RPS6KA2: variants seen among roughly 807,000 people sequenced by gnomAD.
The protein encoded by RPS6KA2 is ribosomal protein S6 kinase A2.
In RPS6KA2, 42 loss-of-function variants were observed where a neutral mutation model predicts 91.8. That is an observed-to-expected ratio of 0.46 (90% confidence interval 0.36 to 0.59). The LOEUF is 0.59. Ranked by LOEUF, RPS6KA2 falls within the 20% of genes least tolerant of loss-of-function variation. RPS6KA2 has a pLI of 0.00. For missense variants in RPS6KA2, 798 were observed against 978.5 expected, an observed-to-expected ratio of 0.82 and a Z score of 2.46; for synonymous variants, 414 against 393.6, an observed-to-expected ratio of 1.05 and a Z score of -0.61.
intron 1 of RPS6KA2, among the ~76,000 whole-genome samples, chr6:166,542,903 G>A (rs528804267): frequency 2.0e-5 from 3 of 152,202 alleles, no homozygotes; most frequent in Non-Finnish European, 4.4e-5. Context: ...AAACAAAATA[G>A]GCAAGGGTTC....
intron 2 of RPS6KA2, among the ~76,000 whole-genome samples, chr6:166,782,423 G>A (rs7357046): frequency 0.2 from 31,123 of 152,010 alleles, 3,847 homozygotes; most frequent in African/African-American, 0.34. Flanking sequence ...CTGGGGTCCC[G>A]GCAGGTTTTG....
At chr6:166,538,508 C>G (rs1045555920) in intron 2 of RPS6KA2, among the ~76,000 whole-genome samples, 160 bp downstream of exon 2, 4 of 152,182 alleles carry the variant, frequency 2.6e-5, no homozygotes, top group African/African-American at 9.7e-5. Context: ...CACTGGAATT[C>G]TGGCTGTGCA....
At chr6:166,579,785 C>A (rs1045391832) in intron 1 of RPS6KA2, among the ~76,000 whole-genome samples, 6 of 152,132 alleles carry the variant, frequency 3.9e-5, no homozygotes, top group African/African-American at 1.4e-4. Context: ...TTTCTAAGAT[C>A]TAAAGATCAC....
intron 1 of RPS6KA2, among the ~76,000 whole-genome samples, chr6:166,605,106 C>T (rs1785898916): frequency 6.6e-6 from 1 of 152,210 alleles, no homozygotes; most frequent in South Asian, 2.1e-4. Flanking sequence ...CTAGAACTGC[C>T]TCCAACCAGA....
At chr6:166,752,069 G>A (rs149066287) in intron 2 of RPS6KA2, among the ~76,000 whole-genome samples, 1 of 152,368 alleles carries the variant, frequency 6.6e-6, no homozygotes, top group East Asian at 1.9e-4. Context: ...AGGTCCATTT[G>A]TACCTGGGTA....
intron 14 of RPS6KA2, among the ~76,000 whole-genome samples, chr6:166,441,231 C>T (rs894841434): frequency 4.6e-5 from 7 of 152,138 alleles, no homozygotes; most frequent in East Asian, 1.9e-4. Flanking sequence ...TGCCTGTGAA[C>T]GCTCCTTTCT....
At chr6:166,722,347 A>G (rs140015037) in intron 2 of RPS6KA2, among the ~76,000 whole-genome samples, 82 of 152,370 alleles carry the variant, frequency 5.4e-4, no homozygotes, top group African/African-American at 1.9e-3. Context: ...GGCGGGTCAG[A>G]CACTCAACAA....
intron 11 of RPS6KA2, among the ~76,000 whole-genome samples, chr6:166,462,808 C>A (rs1482949117): frequency 1.3e-5 from 2 of 152,252 alleles, no homozygotes; most frequent in East Asian, 1.9e-4. Flanking sequence ...CAGACCCCAA[C>A]AAGACCAGAG....
At chr6:166,573,693 G>C (rs916964809) in intron 1 of RPS6KA2, among the ~76,000 whole-genome samples, 2 of 152,230 alleles carry the variant, frequency 1.3e-5, no homozygotes, top group Non-Finnish European at 2.9e-5. Context: ...GGTCGTGACC[G>C]TAAACACCGA....
chr6:166,444,814 C>T (rs990430050), intron 14 of RPS6KA2, among the ~76,000 whole-genome samples: 2 of 152,176 alleles, frequency 1.3e-5, no homozygotes, highest in South Asian at 2.1e-4. Context: ...TTGGAGACTG[C>T]GATAGCTAGA....
chr6:166,473,317 A>T (rs1432281495), intron 10 of RPS6KA2, among the ~76,000 whole-genome samples: 2 of 151,928 alleles, frequency 1.3e-5, no homozygotes, highest in African/African-American at 2.4e-5. Flanking sequence ...CAGTCTCCTG[A>T]GTAGCTGGGA....
chr6:166,668,005 G>A (rs1788366883), intron 2 of RPS6KA2, among the ~76,000 whole-genome samples: 3 of 152,214 alleles, frequency 2.0e-5, no homozygotes, highest in Non-Finnish European at 2.9e-5. Context: ...CTCATGAGAT[G>A]TTTGGAGATT....
intron 2 of RPS6KA2, among the ~76,000 whole-genome samples, chr6:166,660,438 G>C (rs1299742317): frequency 1.3e-5 from 2 of 151,880 alleles, no homozygotes; most frequent in East Asian, 3.9e-4. Flanking sequence ...GAGAGAAGAA[G>C]GGAGGGAGGA....
intron 2 of RPS6KA2, among the ~76,000 whole-genome samples, chr6:166,723,407 T>TG (rs888640862): frequency 6.6e-6 from 1 of 151,470 alleles, no homozygotes; most frequent in African/African-American, 2.4e-5. Flanking sequence ...TCCTTACCCC[T>TG]GGGGGGTCCC....
rs933423901 is a variant in RPS6KA2 at position 166,775,003 on chromosome 6, C to T, written c.123+83197G>A. Among the ~76,000 whole-genome samples, 3 of 152,032 alleles carry T rather than the reference C, an allele frequency of 2.0e-5. No homozygotes were observed. In the East Asian group the frequency reaches 5.8e-4, roughly 29 times the overall value. Reference sequence around the variant, plus strand: ...AGGTGGCACTGCGGATATTTTTACACAGGATAATGTGACCTGCCCAGCCTG... The same window carrying T: ...AGGTGGCACTGCGGATATTTTTACATAGGATAATGTGACCTGCCCAGCCTG... On this transcript the variant is annotated intron_variant, in intron 2 of 21. Transcript: ENST00000503859.
chr6:166,510,500 A>C, intron 3 of RPS6KA2, 143 bp from the exon 4 acceptor site: 1 of 425,218 alleles, frequency 2.4e-6, no homozygotes, highest in Non-Finnish European at 4.2e-6. Context: ...AAGTTGTACA[A>C]TAATCCTAGA....
At chr6:166,815,904 T>C (rs1779748649) in intron 2 of RPS6KA2, among the ~76,000 whole-genome samples, 2 of 152,166 alleles carry the variant, frequency 1.3e-5, no homozygotes, top group African/African-American at 4.8e-5. Context: ...AAGGAGTGAA[T>C]TGAAACTAAA....
chr6:166,578,040 A>G (rs139779360), intron 1 of RPS6KA2, among the ~76,000 whole-genome samples: 479 of 152,258 alleles, frequency 3.1e-3, no homozygotes, highest in African/African-American at 9.5e-3. Flanking sequence ...CTGCCACCAT[A>G]TAAGAAATGT....
intron 11 of RPS6KA2, chr6:166,460,694 G>C (rs1381778615): frequency 6.6e-6 from 1 of 152,490 alleles, no homozygotes; most frequent in African/African-American, 2.4e-5. Context: ...GCCCCCCACT[G>C]AGCATGGGGT....
Sources: gnomAD v4.1 joint callset for allele counts (sites outside exome capture counted in the v4.1 genomes callset) on GRCh38, gnomAD v4.1.1 for gene constraint, MANE v1.5 for transcripts, NCBI Gene and HGNC (gene_info 2026-07-23, HGNC 2026-07-21) for gene names.